The following SMAD5 variants were observed in gnomAD, a reference collection of about 807,000 sequenced individuals.
SMAD5 encodes SMAD family member 5, also known as MAD, mothers against decapentaplegic homolog 5.
SMAD5 carries 9 observed loss-of-function variants against 43.1 expected under a neutral mutation model. The observed-to-expected ratio is 0.21, with a 90% CI of 0.13 to 0.36. The LOEUF (loss-of-function observed/expected upper bound fraction) is 0.36. Among genes scored for constraint, SMAD5 ranks in the 10% least tolerant of loss-of-function variants. The probability of loss-of-function intolerance (pLI) is 1.00; values close to 1 mark genes in which losing one functional copy is unlikely to be tolerated. For synonymous variants in SMAD5, 190 were observed against 192.4 expected, an observed-to-expected ratio of 0.99 and a Z score of 0.10; for missense variants, 348 against 574.0, an observed-to-expected ratio of 0.61 and a Z score of 4.02.
At chr5:136,163,856 G>T (rs1272427537) in intron 5 of SMAD5, among the ~76,000 whole-genome samples, 1 of 152,084 alleles carries the variant, frequency 6.6e-6, no homozygotes, top group Non-Finnish European at 1.5e-5. Context: ...CAGTCAGTGG[G>T]CATTTGAATT....
At chr5:136,154,736 C>T (rs1162133058) in intron 3 of SMAD5, among the ~76,000 whole-genome samples, 2 of 152,060 alleles carry the variant, frequency 1.3e-5, no homozygotes, top group African/African-American at 4.8e-5. Flanking sequence ...TGTGACTTCT[C>T]TAGTTAGTCT....
intron 5 of SMAD5, among the ~76,000 whole-genome samples, chr5:136,169,716 G>A (rs1754147228): frequency 1.3e-5 from 2 of 152,198 alleles, no homozygotes; most frequent in Admixed American, 6.5e-5. Flanking sequence ...TAAAATGGCT[G>A]TATCATTTTG....
rs74654532 is a variant in SMAD5 at position 136,177,663 on chromosome 5, G to A, written c.*183G>A. ...TACATTTGTTTGTATTCATGTTCAT[G>A]TGATTAACTCTTAGAAGTGTTGTAA... is the stretch of plus-strand genomic sequence containing the variant. On this transcript the variant is annotated 3_prime_UTR_variant, in exon 8 of 8. Transcript: ENST00000545279. 1 of 545,148 alleles carries A rather than the reference G, an allele frequency of 1.8e-6. No individual in the cohort carries two copies. Among genetic ancestry groups the A allele is most frequent in the African/African-American group, 1.9e-5 (1 of 52,318 alleles). The allele number at this position is 545,148 out of a possible 1,614,324, so 33.8% of individuals were successfully genotyped here.
Position 136,174,461 on chromosome 5 carries a change from C to T in SMAD5, c.1083C>T (p.Asn361=). The change falls in exon 7 of 8, where the codon AAC becomes AAT. Residue 361 remains asparagine (N), a synonymous_variant. Coordinates refer to ENST00000545279, the MANE Select transcript of SMAD5 (RefSeq NM_005903.7). ...SSIFVQSRNC[N]FHHGFHPTTV... is the part of the protein sequence containing the mutation. ...TATTTGTACAGAGTAGGAACTGCAA[C>T]TTTCATCATGGCTTTCATCCCACCA... The T allele has an allele frequency of 6.2e-7, 1 of 1,613,992 alleles. No individual in the cohort carries two copies. The highest frequency in any genetic ancestry group is 1.1e-5 in the South Asian group (1 of 91,074).
Position 136,179,131 on chromosome 5 carries a change from C to A in SMAD5, c.*1651C>A. 1 of 152,266 alleles carries A rather than the reference C, an allele frequency of 6.6e-6. No homozygotes were observed. 9.4% of individuals were successfully genotyped at this position (152,266 alleles called of 1,614,324 possible). A position where few individuals can be genotyped will look rare whatever the true frequency, so the allele number is the denominator to read the frequency against. On this transcript the variant is annotated 3_prime_UTR_variant, in exon 8 of 8. Coordinates refer to ENST00000545279, the MANE Select transcript of SMAD5 (RefSeq NM_005903.7). ...TCATTTATCGATGATCCTCTTTTTC[C>A]ATTTTTTAAGTACTTATGTGGAAGC...
At position 136,180,299 on chromosome 5, in the gene SMAD5, A is replaced by G. The variant is rs1754581255; in HGVS notation, c.*2819A>G. On this transcript the variant is annotated 3_prime_UTR_variant, in exon 8 of 8. Transcript: ENST00000545279. Reference sequence around the variant, plus strand: ...TATATGTTTTAATTTAATCTACAGAATGTTTTATAGTAAAATTCTAGCACC... The same window carrying G: ...TATATGTTTTAATTTAATCTACAGAGTGTTTTATAGTAAAATTCTAGCACC... 6.6e-6 allele frequency: 1 copy of G among 152,162 alleles called. No homozygotes were observed. The allele number at this position is 152,162 out of a possible 1,614,324, so 9.4% of individuals were successfully genotyped here.
chr5:136,136,861 C>T (rs1188550945), intron 1 of SMAD5, among the ~76,000 whole-genome samples: 1 of 151,898 alleles, frequency 6.6e-6, no homozygotes, highest in Non-Finnish European at 1.5e-5. Context: ...ACGTCCAGCT[C>T]ATTTTTTGAA....
Position 136,153,754 on chromosome 5 carries a change from G to A in SMAD5, c.-7G>A, listed in dbSNP as rs202166111. ...GTTACAGGAAGGTCTCCGAAGATTT[G>A]TGTCAAATGACGTCAATGGCCAGCT... On this transcript the variant is annotated 5_prime_UTR_variant, in exon 3 of 8. In the 5' UTR this introduces an upstream ATG that the reference lacks. Transcript: ENST00000545279. 221 of 1,597,150 alleles carry A rather than the reference G, an allele frequency of 1.4e-4. 1 individual carries two copies. In the South Asian group the frequency reaches 2.3e-3, roughly 17 times the overall value.
chr5:136,177,133 A>G (rs766958194), intron 7 of SMAD5, among the ~76,000 whole-genome samples: 14 of 152,232 alleles, frequency 9.2e-5, no homozygotes, highest in Non-Finnish European at 1.6e-4. Context: ...ATATTATTTT[A>G]GAATTCATGA....
chr5:136,160,801 A>T (rs1753798737), intron 3 of SMAD5, 55 bp from the exon 4 acceptor site: 4 of 1,577,266 alleles, frequency 2.5e-6, no homozygotes, highest in South Asian at 2.3e-5. Context: ...CTTAGTGTGG[A>T]TGGGGCATTT....
intron 6 of SMAD5, chr5:136,172,863 C>T (rs1003728961): frequency 9.0e-6 from 5 of 553,158 alleles, no homozygotes; most frequent in African/African-American, 1.9e-5. Context: ...CTTCCCAGTG[C>T]TAAGGATCTG....
At chr5:136,138,003 A>G (rs536855158) in intron 1 of SMAD5, among the ~76,000 whole-genome samples, 1 of 152,278 alleles carries the variant, frequency 6.6e-6, no homozygotes, top group East Asian at 1.9e-4. Context: ...AGGAATCACT[A>G]CAAAGATTGA....
chr5:136,135,469 C>T (rs889110302), intron 1 of SMAD5, among the ~76,000 whole-genome samples: 1 of 152,052 alleles, frequency 6.6e-6, no homozygotes, highest in Non-Finnish European at 1.5e-5. Context: ...GTGTTTTCTC[C>T]CTCTACTGAA....
intron 3 of SMAD5, among the ~76,000 whole-genome samples, chr5:136,158,155 G>C (rs1239767527): frequency 6.6e-6 from 1 of 151,954 alleles, no homozygotes; most frequent in Non-Finnish European, 1.5e-5. Context: ...AATTTTCCAA[G>C]AAATAATATC....
intron 4 of SMAD5, among the ~76,000 whole-genome samples, chr5:136,162,919 G>A (rs1021664730): frequency 6.6e-6 from 1 of 152,162 alleles, no homozygotes; most frequent in African/African-American, 2.4e-5. Context: ...CCCAAATGAG[G>A]AAAATCTGTA....
rs1046703562 is a variant in SMAD5, at chr5:136,174,723, T to G, written c.1254+91T>G. 33 of 879,484 alleles carry G rather than the reference T, an allele frequency of 3.8e-5. No individual in the cohort carries two copies. In the East Asian group the frequency reaches 7.9e-4, roughly 21 times the overall value. 54.5% of individuals were successfully genotyped at this position (879,484 alleles called of 1,614,324 possible). On this transcript the variant is annotated intron_variant, in intron 7 of 7. Coordinates refer to ENST00000545279, the MANE Select transcript of SMAD5 (RefSeq NM_005903.7). Reference sequence around the variant, plus strand: ...ATTTTTAAAAATTGTTAAATGAAAGTTGATAATTGCTTTTGGCCTGATTTA... The same window carrying G: ...ATTTTTAAAAATTGTTAAATGAAAGGTGATAATTGCTTTTGGCCTGATTTA...
intron 2 of SMAD5, among the ~76,000 whole-genome samples, chr5:136,149,106 G>A (rs570599814): frequency 7.3e-5 from 11 of 151,510 alleles, no homozygotes; most frequent in Non-Finnish European, 1.5e-4. Context: ...TGTGTAGATG[G>A]AATAATGTGT....
intron 5 of SMAD5, among the ~76,000 whole-genome samples, chr5:136,166,815 TTTCTC>T (rs1244760366): frequency 1.3e-5 from 2 of 152,324 alleles, no homozygotes. Flanking sequence ...CTCCTTTTCT[TTTCTC>T]CTGATTTTCC....
At chr5:136,170,944 A>G (rs1168306375) in intron 5 of SMAD5, among the ~76,000 whole-genome samples, 1 of 152,172 alleles carries the variant, frequency 6.6e-6, no homozygotes, top group Non-Finnish European at 1.5e-5. Context: ...TATAATGCTT[A>G]CTAGTTCCAG....
Sources: gnomAD v4.1 joint callset for allele counts (sites outside exome capture counted in the v4.1 genomes callset) on GRCh38, gnomAD v4.1.1 for gene constraint, MANE v1.5 for transcripts, NCBI Gene and HGNC (gene_info 2026-07-23, HGNC 2026-07-21) for gene names.